Variants in GADL1 observed in about 807,000 individuals in gnomAD.
GADL1 encodes the protein acidic amino acid decarboxylase GADL1.
In GADL1, 71 loss-of-function variants were observed where a neutral mutation model predicts 69.5. The ratio of observed to expected loss-of-function variants is 1.02; its 90% CI spans 0.84 to 1.25. GADL1 has a LOEUF of 1.25. Among genes scored for constraint, GADL1 ranks in the 50% most tolerant of loss-of-function variants. The pLI is 0.00. For synonymous variants in GADL1, 254 were observed against 214.4 expected, an observed-to-expected ratio of 1.18 and a Z score of -1.62; for missense variants, 737 against 631.8, an observed-to-expected ratio of 1.17 and a Z score of -1.79.
chr3:30,881,207 T>C (rs1243807418), intron 1 of GADL1, among the ~76,000 whole-genome samples: 3 of 151,990 alleles, frequency 2.0e-5, no homozygotes, highest in Non-Finnish European at 4.4e-5. Context: ...TGTATACATT[T>C]ACATAAAAAT....
Position 30,800,970 on chromosome 3 carries a change from G to A in GADL1, c.1169C>T (p.Ala390Val), listed in dbSNP as rs1192052314. 8 of 1,613,694 alleles carry A rather than the reference G, an allele frequency of 5.0e-6. No homozygotes were observed. The highest frequency in any genetic ancestry group is 5.1e-6 in the Non-Finnish European group (6 of 1,179,732). The change falls in exon 12 of 15, where the codon GCA (alanine) becomes GTA (valine). Residue 390 changes from alanine to valine, a missense_variant. Transcript: ENST00000282538. ...CTTCCAGGTCATCCAGAACTTGAAT[G>A]CATCTGGTCTTCTGCTACACTGGAT... ...KSIQCSRRPD[A>V]FKFWMTWKAL...
At chr3:30,776,580 A>G (rs1192232275) in intron 14 of GADL1, among the ~76,000 whole-genome samples, 1 of 152,232 alleles carries the variant, frequency 6.6e-6, no homozygotes, top group Non-Finnish European at 1.5e-5. Context: ...AGGGTTTGAT[A>G]AGAGGTGTAT....
intron 11 of GADL1, among the ~76,000 whole-genome samples, chr3:30,830,729 ACTT>A (rs772425098): frequency 6.6e-6 from 1 of 151,954 alleles, no homozygotes; most frequent in African/African-American, 2.4e-5. Context: ...ACCAGTCCAG[ACTT>A]CTTTTCTTAG....
intron 14 of GADL1, among the ~76,000 whole-genome samples, chr3:30,748,274 T>G (rs1695741112): frequency 6.6e-6 from 1 of 152,158 alleles, no homozygotes; most frequent in South Asian, 2.1e-4. Context: ...AACATTTCCT[T>G]TAGACTATTT....
intron 14 of GADL1, among the ~76,000 whole-genome samples, chr3:30,776,674 G>A (rs991909765): frequency 2.0e-5 from 3 of 152,196 alleles, no homozygotes; most frequent in African/African-American, 7.2e-5. Context: ...AAAAGGACAC[G>A]CTGCCAAGTG....
At chr3:30,760,984 C>T (rs921924558) in intron 14 of GADL1, among the ~76,000 whole-genome samples, 6 of 141,208 alleles carry the variant, frequency 4.2e-5, no homozygotes, top group African/African-American at 1.6e-4. Context: ...AAATATTTAC[C>T]TAGACTGGCA....
rs1378124992 is a variant in GADL1 at position 30,844,180 on chromosome 3, C to T, written c.786+30G>A. 4 of 1,585,262 alleles carry T rather than the reference C, an allele frequency of 2.5e-6. No individual in the cohort carries two copies. The Admixed American group carries it at 5.2e-5, about 21-fold the overall frequency. The stretch of plus-strand genomic sequence containing the variant: ...GGGCGTGCGCGCACACACACACGTT[C>T]TCTCTCCCTCTCGCTTTCTCCCCTC... On this transcript the variant is annotated intron_variant, in intron 8 of 14. Coordinates refer to ENST00000282538, the MANE Select transcript of GADL1 (RefSeq NM_207359.3).
chr3:30,733,031 C>T (rs913177487), intron 14 of GADL1, among the ~76,000 whole-genome samples: 5 of 152,052 alleles, frequency 3.3e-5, no homozygotes, highest in Non-Finnish European at 7.4e-5. Flanking sequence ...TGGAGTGAGA[C>T]TCTGTCTTAA....
chr3:30,847,858 C>A (rs749982857), intron 6 of GADL1, among the ~76,000 whole-genome samples: 50 of 152,178 alleles, frequency 3.3e-4, no homozygotes, highest in Non-Finnish European at 1.3e-4. Flanking sequence ...AATTCATAAG[C>A]CCCACCTGTT....
chr3:30,831,144 C>T (rs1697783817), intron 11 of GADL1, among the ~76,000 whole-genome samples: 1 of 151,872 alleles, frequency 6.6e-6, no homozygotes, highest in Non-Finnish European at 1.5e-5. Flanking sequence ...TTTCCAATAA[C>T]TCTTTTAGTT....
At chr3:30,835,667 G>A (rs1697861841) in intron 9 of GADL1, among the ~76,000 whole-genome samples, 1 of 151,970 alleles carries the variant, frequency 6.6e-6, no homozygotes, top group Admixed American at 6.6e-5. Context: ...CTTAAAATTT[G>A]AGCCCTGCCA....
At chr3:30,782,019 T>C (rs1000207190) in intron 13 of GADL1, among the ~76,000 whole-genome samples, 1 of 152,184 alleles carries the variant, frequency 6.6e-6, no homozygotes. Context: ...TTCTATGTTA[T>C]AGATATTGAC....
intron 6 of GADL1, among the ~76,000 whole-genome samples, chr3:30,847,940 T>C (rs1387992442): frequency 6.6e-6 from 1 of 152,164 alleles, no homozygotes; most frequent in Non-Finnish European, 1.5e-5. Context: ...ATGGTAATTA[T>C]TCCAGAAAAG....
chr3:30,741,368 C>T (rs970125791), intron 14 of GADL1, among the ~76,000 whole-genome samples: 68 of 151,960 alleles, frequency 4.5e-4, no homozygotes, highest in African/African-American at 1.5e-3. Flanking sequence ...TACACTCCTA[C>T]ATCCCCACAT....
At chr3:30,801,733 T>C (rs1310579679) in intron 11 of GADL1, among the ~76,000 whole-genome samples, 2 of 152,174 alleles carry the variant, frequency 1.3e-5, no homozygotes, top group Admixed American at 1.3e-4. Flanking sequence ...TGGGTGATAA[T>C]TTACTATTCA....
chr3:30,755,078 G>C (rs1481780549), intron 14 of GADL1, among the ~76,000 whole-genome samples: 1 of 152,134 alleles, frequency 6.6e-6, no homozygotes, highest in Non-Finnish European at 1.5e-5. Flanking sequence ...CCTACCCAGG[G>C]ACAACGCAGT....
chr3:30,862,799 A>G (rs1698341028), intron 1 of GADL1, among the ~76,000 whole-genome samples: 1 of 151,952 alleles, frequency 6.6e-6, no homozygotes, highest in Non-Finnish European at 1.5e-5. Context: ...CTCCAAATGT[A>G]TGTCCCCTCT....
intron 1 of GADL1, among the ~76,000 whole-genome samples, chr3:30,869,935 G>C (rs1200720326): frequency 6.6e-6 from 1 of 151,844 alleles, no homozygotes; most frequent in Non-Finnish European, 1.5e-5. Context: ...GGTGAAGTCA[G>C]ATAAAACATA....
At chr3:30,871,864 A>T (rs1325241743) in intron 1 of GADL1, among the ~76,000 whole-genome samples, 1 of 150,570 alleles carries the variant, frequency 6.6e-6, no homozygotes. Context: ...AATAGCCAAT[A>T]AATACATAGT....
Sources: gnomAD v4.1 joint callset for allele counts (sites outside exome capture counted in the v4.1 genomes callset) on GRCh38, gnomAD v4.1.1 for gene constraint, MANE v1.5 for transcripts, NCBI Gene and HGNC (gene_info 2026-07-23, HGNC 2026-07-21) for gene names.